TYW3: variants seen among roughly 807,000 people sequenced by gnomAD.
TYW3 encodes tRNA-yW synthesizing protein 3 homolog, also known as tRNA wybutosine-synthesizing protein 3 homolog.
A neutral mutation model predicts 23.1 loss-of-function variants in TYW3; 26 were observed. The ratio of observed to expected loss-of-function variants is 1.13; its 90% CI spans 0.83 to 1.56. The LOEUF is 1.56. Among genes scored for constraint, TYW3 ranks in the 40% most tolerant of loss-of-function variants. TYW3 has a pLI of 0.00. For missense variants in TYW3, 316 were observed against 311.9 expected (o/e 1.01, Z -0.10); for synonymous variants, 102 against 105.7 (o/e 0.97, Z 0.21).
intron 5 of TYW3, among the ~76,000 whole-genome samples, chr1:74,759,475 A>T (rs1649062784): frequency 6.6e-6 from 1 of 151,084 alleles, no homozygotes; most frequent in African/African-American, 2.4e-5. Context: ...TTAGCCTCCC[A>T]AAGTTTTGGG....
At chr1:74,759,964 A>G (rs2100777619) in intron 5 of TYW3, among the ~76,000 whole-genome samples, 1 of 152,174 alleles carries the variant, frequency 6.6e-6, no homozygotes, top group East Asian at 1.9e-4. Flanking sequence ...TTGACTCCCA[A>G]GAAACTTAGG....
intron 2 of TYW3, among the ~76,000 whole-genome samples, chr1:74,737,438 C>T (rs1570049847): frequency 6.6e-6 from 1 of 152,276 alleles, no homozygotes; most frequent in South Asian, 2.1e-4. Flanking sequence ...GGTGCTCTCC[C>T]TCTTAGGTTA....
intron 3 of TYW3, chr1:74,748,501 CTGTT>C (rs1192013225): frequency 7.3e-6 from 3 of 413,232 alleles, no homozygotes; most frequent in African/African-American, 6.2e-5. Context: ...CCAAATGTCA[CTGTT>C]TGTGATTGAA....
chr1:74,755,409 T>G (rs1030895006), intron 5 of TYW3, among the ~76,000 whole-genome samples: 1 of 152,244 alleles, frequency 6.6e-6, no homozygotes, highest in Non-Finnish European at 1.5e-5. Flanking sequence ...TTATAGGTAA[T>G]TCATCTAAGT....
At chr1:74,743,919 T>C (rs1648452076) in intron 3 of TYW3, among the ~76,000 whole-genome samples, 1 of 152,206 alleles carries the variant, frequency 6.6e-6, no homozygotes, top group African/African-American at 2.4e-5. Context: ...TGTATACCTA[T>C]CAGGATCATC....
At chr1:74,761,254 A>G (rs1353646309) in intron 5 of TYW3, among the ~76,000 whole-genome samples, 1 of 152,130 alleles carries the variant, frequency 6.6e-6, no homozygotes, top group Non-Finnish European at 1.5e-5. Flanking sequence ...TAGTATTTGA[A>G]GTTTTTATTC....
rs201558768 is a variant in TYW3 at position 74,738,121 on chromosome 1, C to A, written c.256-569C>A. The stretch of plus-strand genomic sequence containing the variant: ...AAGTGAACAGGGAAAAAAAAACAAA[C>A]AAAAAAACTGCAAGTTGCAATTGTT... On this transcript the variant is annotated intron_variant, in intron 2 of 5. Coordinates refer to ENST00000370867, the MANE Select transcript of TYW3 (RefSeq NM_138467.3). Among the ~76,000 whole-genome samples, 940 of 145,352 alleles carry A rather than the reference C, an allele frequency of 6.5e-3. 73 individuals are homozygous for A. In the East Asian group the frequency reaches 0.18, roughly 27 times the overall value.
In TYW3 at chr1:74,752,307, C is replaced by A. The variant is rs1648811842; in HGVS notation, c.442C>A (p.His148Asn). 1.2e-6 allele frequency: 2 copies of A among 1,610,080 alleles called. No individual in the cohort carries two copies. Among genetic ancestry groups the A allele is most frequent in the Non-Finnish European group, 1.7e-6 (2 of 1,177,908 alleles). ...GKTMLAVRST[H>N]GLEVPLSHKG... ...TTCCTTGTAGGCTGTCCGGAGTACA[C>A]ATGGCTTAGAAGTTCCATTAAGCCA... Residue 148 changes from histidine (H) to asparagine (N), a missense_variant, in exon 5 of 6, where the codon CAT becomes AAT. Transcript: ENST00000370867.
At chr1:74,760,422 T>C (rs1234791513) in intron 5 of TYW3, among the ~76,000 whole-genome samples, 4 of 152,230 alleles carry the variant, frequency 2.6e-5, no homozygotes, top group Non-Finnish European at 5.9e-5. Flanking sequence ...TATTTTATTT[T>C]CTAGTAGTGT....
chr1:74,755,421 G>A (rs1423281084), intron 5 of TYW3, among the ~76,000 whole-genome samples: 4 of 151,970 alleles, frequency 2.6e-5, no homozygotes, highest in African/African-American at 9.7e-5. Context: ...CATCTAAGTG[G>A]GATCATACAA....
chr1:74,735,670 G>T (rs1648128138), intron 1 of TYW3, among the ~76,000 whole-genome samples: 2 of 152,104 alleles, frequency 1.3e-5, no homozygotes, highest in African/African-American at 2.4e-5. Flanking sequence ...GCTAGAAGTG[G>T]GCCATACATT....
At chr1:74,756,011 T>C (rs960209250) in intron 5 of TYW3, among the ~76,000 whole-genome samples, 2 of 152,206 alleles carry the variant, frequency 1.3e-5, no homozygotes, top group South Asian at 2.1e-4. Context: ...GGAGTCGCCC[T>C]GCACAAGTTC....
chr1:74,735,487 G>A (rs746736158), intron 1 of TYW3, among the ~76,000 whole-genome samples: 9 of 152,040 alleles, frequency 5.9e-5, no homozygotes, highest in South Asian at 4.1e-4. Context: ...CTTACACCTC[G>A]TATTATGGTT....
chr1:74,752,303 T>C lies in TYW3; in HGVS notation c.438T>C (p.Ser146=), dbSNP rs150337677. 63 of 1,608,518 alleles carry C rather than the reference T, an allele frequency of 3.9e-5. No individual in the cohort carries two copies. The African/African-American group carries it at 7.2e-4, about 18-fold the overall frequency. ...KRGKTMLAVR[S]THGLEVPLSH... Reference sequence around the variant, plus strand: ...TTTTTTCCTTGTAGGCTGTCCGGAGTACACATGGCTTAGAAGTTCCATTAA... The same window carrying C: ...TTTTTTCCTTGTAGGCTGTCCGGAGCACACATGGCTTAGAAGTTCCATTAA... Residue 146 remains serine (S), a synonymous_variant, in exon 5 of 6, where the codon AGT becomes AGC. Transcript: ENST00000370867.
At chr1:74,734,927 CT>C (rs372010062) in intron 1 of TYW3, among the ~76,000 whole-genome samples, 36 of 152,328 alleles carry the variant, frequency 2.4e-4, no homozygotes, top group African/African-American at 7.9e-4. Flanking sequence ...TAGGCTCATT[CT>C]TTAGGTCCAT....
At chr1:74,756,032 C>T (rs61790742) in intron 5 of TYW3, among the ~76,000 whole-genome samples, 3,679 of 152,264 alleles carry the variant, frequency 0.024, 67 homozygotes, top group Non-Finnish European at 0.038. Context: ...TCTTCACTTG[C>T]CTGCTGCCAT....
At chr1:74,758,312 A>G (rs1030607895) in intron 5 of TYW3, among the ~76,000 whole-genome samples, 1 of 152,222 alleles carries the variant, frequency 6.6e-6, no homozygotes, top group African/African-American at 2.4e-5. Context: ...TAACCATTTG[A>G]ACATATCTAA....
chr1:74,735,638 C>T (rs1421610238), intron 1 of TYW3, among the ~76,000 whole-genome samples: 1 of 152,148 alleles, frequency 6.6e-6, no homozygotes, highest in African/African-American at 2.4e-5. Flanking sequence ...TTGCCAATCC[C>T]ACCACTAGAT....
chr1:74,748,222 A>G (rs1648655968), intron 3 of TYW3, among the ~76,000 whole-genome samples: 1 of 152,178 alleles, frequency 6.6e-6, no homozygotes, highest in Non-Finnish European at 1.5e-5. Flanking sequence ...ACTGAGCTGG[A>G]GAAAATAAGG....
Sources: gnomAD v4.1 joint callset for allele counts (sites outside exome capture counted in the v4.1 genomes callset) on GRCh38, gnomAD v4.1.1 for gene constraint, MANE v1.5 for transcripts, NCBI Gene and HGNC (gene_info 2026-07-23, HGNC 2026-07-21) for gene names.